Variants in BPIFA2 observed in about 807,000 individuals in gnomAD.
BPIFA2 encodes BPI fold-containing family A member 2.
BPIFA2 carries 20 observed loss-of-function variants against 25.7 expected under a neutral mutation model. The ratio of observed to expected loss-of-function variants is 0.78; its 90% CI spans 0.55 to 1.13. The LOEUF (loss-of-function observed/expected upper bound fraction) is 1.13. Among genes scored for constraint, BPIFA2 ranks in the 50% most tolerant of loss-of-function variants. BPIFA2 has a pLI of 0.00. For missense variants in BPIFA2, 300 were observed against 298.1 expected (o/e 1.01, Z -0.05); for synonymous variants, 126 against 124.3 (o/e 1.01, Z -0.09).
At chr20:33,168,503 T>C (rs1164167906) in intron 1 of BPIFA2, among the ~76,000 whole-genome samples, 1 of 152,184 alleles carries the variant, frequency 6.6e-6, no homozygotes, top group Non-Finnish European at 1.5e-5. Context: ...AAAATAAGTG[T>C]CAAACTAATG....
rs1428297656 is a variant in BPIFA2, at chr20:33,174,192, T to G, written c.410+6T>G. 1.2e-6 allele frequency: 2 copies of G among 1,613,186 alleles called. No individual in the cohort carries two copies. Among genetic ancestry groups the G allele is most frequent in the South Asian group, 1.1e-5 (1 of 91,034 alleles). On this transcript the variant is annotated splice_donor_region_variant and intron_variant, in intron 4 of 8. Coordinates refer to ENST00000354932, the MANE Select transcript of BPIFA2 (RefSeq NM_080574.4). ...GCGAATGTCACTGTGGCCGGGTGAG[T>G]ATGCACTAGAATCTGAGATTTGGGA...
intron 1 of BPIFA2, among the ~76,000 whole-genome samples, chr20:33,162,994 G>A (rs1305282157): frequency 6.6e-6 from 1 of 152,224 alleles, no homozygotes; most frequent in Non-Finnish European, 1.5e-5. Context: ...AAATTTGCAA[G>A]AACTGTACCT....
chr20:33,173,457 A>G (rs1334747517), intron 3 of BPIFA2, among the ~76,000 whole-genome samples: 1 of 152,226 alleles, frequency 6.6e-6, no homozygotes, highest in East Asian at 1.9e-4. Flanking sequence ...TCTTCGCCAC[A>G]TAACCCCAGG....
At chr20:33,168,556 A>G (rs958645293) in intron 1 of BPIFA2, among the ~76,000 whole-genome samples, 1 of 152,226 alleles carries the variant, frequency 6.6e-6, no homozygotes, top group Non-Finnish European at 1.5e-5. Context: ...ATTTGTTCAT[A>G]CTTATATTCA....
chr20:33,173,857 C>T (rs1268807101), intron 3 of BPIFA2, among the ~76,000 whole-genome samples: 1 of 152,172 alleles, frequency 6.6e-6, no homozygotes, highest in African/African-American at 2.4e-5. Flanking sequence ...CTGCCTCTGG[C>T]ACTTACTCCC....
intron 5 of BPIFA2, among the ~76,000 whole-genome samples, chr20:33,176,338 C>G (rs564457161): frequency 6.6e-6 from 1 of 152,274 alleles, no homozygotes; most frequent in South Asian, 2.1e-4. Context: ...TGATGCTGGC[C>G]GATGGCTGGG....
At chr20:33,175,859 T>C (rs1428021572) in intron 5 of BPIFA2, among the ~76,000 whole-genome samples, 1 of 150,138 alleles carries the variant, frequency 6.7e-6, no homozygotes, top group Non-Finnish European at 1.5e-5. Flanking sequence ...ATGCTGCCTC[T>C]CTGCCTGCTG....
intron 2 of BPIFA2, among the ~76,000 whole-genome samples, chr20:33,170,951 A>G (rs112851519): frequency 0.092 from 14,045 of 152,168 alleles, 2,122 homozygotes; most frequent in African/African-American, 0.31. Flanking sequence ...TTCTGCATAC[A>G]TCTAGCCAGT....
At chr20:33,171,971 A>G (rs534403901) in intron 2 of BPIFA2, among the ~76,000 whole-genome samples, 12 of 152,262 alleles carry the variant, frequency 7.9e-5, no homozygotes, top group Admixed American at 6.5e-4. Context: ...TACAATAGCA[A>G]AGACATGGAA....
intron 7 of BPIFA2, among the ~76,000 whole-genome samples, chr20:33,180,233 A>G (rs1461517638): frequency 6.6e-6 from 1 of 152,054 alleles, no homozygotes; most frequent in African/African-American, 2.4e-5. Flanking sequence ...AAAGAAAAAA[A>G]AAAAGAAGAA....
Position 33,175,519 on chromosome 20 carries a change from G to A in BPIFA2, c.523G>A (p.Ala175Thr), listed in dbSNP as rs73904618. 1,337 of 1,614,090 alleles carry A rather than the reference G, an allele frequency of 8.3e-4. 11 individuals carry two copies. The African/African-American group carries it at 0.016, about 19-fold the overall frequency. Residue 175 changes from alanine to threonine, a missense_variant, in exon 5 of 9, where the codon GCC becomes ACC. Ala to Thr is a moderately conservative substitution (Grantham distance 58). Transcript: ENST00000354932. ...HQPVAVLGEC[A>T]SDPTSISLSL... ...GCCTGTTGCCGTCCTGGGAGAATGC[G>A]CCAGTGACCCAACCAGCATCTCACT...
chr20:33,173,220 C>T, intron 3 of BPIFA2, 144 bp downstream of exon 3: 1 of 944,474 alleles, frequency 1.1e-6, no homozygotes, highest in Non-Finnish European at 1.6e-6. Flanking sequence ...AGGCCAGACC[C>T]ACCAGAGCTT....
intron 2 of BPIFA2, among the ~76,000 whole-genome samples, chr20:33,169,840 A>G (rs1039644609): frequency 6.6e-6 from 1 of 151,916 alleles, no homozygotes; most frequent in Admixed American, 6.6e-5. Context: ...TCTTTTATGG[A>G]CTTGTGTTAA....
intron 3 of BPIFA2, 55 bp from the exon 4 acceptor site, chr20:33,174,024 G>A: frequency 1.4e-6 from 2 of 1,476,886 alleles, no homozygotes; most frequent in South Asian, 1.1e-5. Flanking sequence ...CAGGGAAGTG[G>A]TTGGCAAGTG....
At chr20:33,165,854 C>T (rs1230845661), upstream of BPIFA2, among the ~76,000 whole-genome samples, 1 of 152,030 alleles carries the variant, frequency 6.6e-6, no homozygotes, top group South Asian at 2.1e-4. Flanking sequence ...GGAGGAGGAG[C>T]ACACAGGAGG....
intron 1 of BPIFA2, among the ~76,000 whole-genome samples, chr20:33,168,468 A>C (rs910271995): frequency 6.6e-6 from 1 of 152,004 alleles, no homozygotes; most frequent in African/African-American, 2.4e-5. Flanking sequence ...AATCAGAGTA[A>C]ATTTAGAGAT....
chr20:33,180,872 C>T (rs1984255664), intron 8 of BPIFA2, among the ~76,000 whole-genome samples: 2 of 152,196 alleles, frequency 1.3e-5, no homozygotes, highest in African/African-American at 4.8e-5. Context: ...GTCTTGGTCA[C>T]AGAATGAGCC....
chr20:33,180,667 C>A lies in BPIFA2; in HGVS notation c.*37+70C>A, dbSNP rs781651535. 4.6e-4 allele frequency: 599 copies of A among 1,313,814 alleles called. 2 individuals are homozygous for A. The highest frequency in any genetic ancestry group is 6.3e-4 in the Non-Finnish European group (579 of 919,002). 81.4% of individuals were successfully genotyped at this position (1,313,814 alleles called of 1,614,324 possible). A position where few individuals can be genotyped will look rare whatever the true frequency, so the allele number is the denominator to read the frequency against. ...GAAGTAAAAGTCAAGCGTGGCTTCC[C>A]TTATTTTTGTGTTAGAAGACTGTGC... is the stretch of plus-strand genomic sequence containing the variant. On this transcript the variant is annotated intron_variant, in intron 8 of 8. Transcript: ENST00000354932.
chr20:33,177,030 G>A (rs1399012971), intron 5 of BPIFA2, among the ~76,000 whole-genome samples: 2 of 152,058 alleles, frequency 1.3e-5, no homozygotes, highest in Non-Finnish European at 2.9e-5. Flanking sequence ...ATATTTAATT[G>A]TATGTTCACT....
Sources: gnomAD v4.1 joint callset for allele counts (sites outside exome capture counted in the v4.1 genomes callset) on GRCh38, gnomAD v4.1.1 for gene constraint, MANE v1.5 for transcripts, NCBI Gene and HGNC (gene_info 2026-07-23, HGNC 2026-07-21) for gene names.